The following SYT7 variants were observed in gnomAD, a reference collection of about 807,000 sequenced individuals.
The protein encoded by SYT7 is synaptotagmin-7.
In SYT7, 29 loss-of-function variants were observed where a neutral mutation model predicts 75.1. That is an observed-to-expected ratio of 0.39 (90% CI 0.29 to 0.53). The LOEUF is 0.53. SYT7 is among the 20% of genes least tolerant of loss of function. The pLI is 0.77. For missense variants in SYT7, 693 were observed against 953.2 expected (o/e 0.73, Z 3.59); for synonymous variants, 376 against 401.7 (o/e 0.94, Z 0.76).
At position 61,542,334 on chromosome 11, in the gene SYT7, C is replaced by T. The variant is rs985496755; in HGVS notation, c.818G>A (p.Arg273Gln). Residue 273 changes from arginine to glutamine, a missense_variant, in exon 6 of 13, where the codon CGG (arginine) becomes CAG (glutamine). Arg to Gln is a conservative substitution (Grantham distance 43, BLOSUM62 1). This residue lies in a region of SYT7 where 487 missense variants were observed against 593.2 expected (regional missense o/e 0.82). Transcript: ENST00000539008. This position sits in a 1 kb window ranked among gnomAD's most constrained non-coding sequence, Gnocchi z 7.8. ...NPRAYGRGQARQGTSAGSKYR... is the reference protein window; with the variant it reads ...NPRAYGRGQAQQGTSAGSKYR... ...CTTGGAGCCGGCCGAGGTGCCCTGC[C>T]GAGCCTGGCCCCGGCCATAGGCCCG... 5.1e-5 allele frequency: 78 copies of T among 1,531,074 alleles called. No individual in the cohort carries two copies. Among genetic ancestry groups the T allele is most frequent in the Admixed American group, 9.9e-5 (5 of 50,636 alleles). The allele number at this position is 1,531,074 out of a possible 1,614,324, so 94.8% of individuals were successfully genotyped here. A position where few individuals can be genotyped will look rare whatever the true frequency, so the allele number is the denominator to read the frequency against.
chr11:61,565,064 C>T (rs2063732452), intron 1 of SYT7, among the ~76,000 whole-genome samples: 1 of 152,178 alleles, frequency 6.6e-6, no homozygotes, highest in Non-Finnish European at 1.5e-5. Flanking sequence ...GTTGGGGCTA[C>T]ATCTGCCAGC....
At position 61,518,583 on chromosome 11, in the gene SYT7, T is replaced by C; in HGVS notation, c.*44A>G. ...TGTGCATAAAGTGGTGAGGGCATGA[T>C]GGGGACCTGGGCCCTCGGCCCCCTG... On this transcript the variant is annotated 3_prime_UTR_variant, in exon 13 of 13. Coordinates refer to ENST00000539008, the MANE Select transcript of SYT7 (RefSeq NM_001365809.2). The C allele has an allele frequency of 7.1e-7, 1 of 1,411,344 alleles. No individual in the cohort carries two copies. The highest frequency in any genetic ancestry group is 9.6e-7 in the Non-Finnish European group (1 of 1,039,300). 87.4% of individuals were successfully genotyped at this position (1,411,344 alleles called of 1,614,324 possible).
At position 61,576,309 on chromosome 11, in the gene SYT7, T is replaced by C. The variant is rs2064076159; in HGVS notation, c.31+4481A>G. Reference sequence around the variant, plus strand: ...ATTCACCTGGCATCACCAGCTGGGGTTCCCTGGCAAGGCAGGCAGGCACCC... The same window carrying C: ...ATTCACCTGGCATCACCAGCTGGGGCTCCCTGGCAAGGCAGGCAGGCACCC... On this transcript the variant is annotated intron_variant, in intron 1 of 12. Coordinates refer to ENST00000539008, the MANE Select transcript of SYT7 (RefSeq NM_001365809.2). This position sits in a 1 kb window ranked among gnomAD's most constrained non-coding sequence, Gnocchi z 4.1. Among the ~76,000 whole-genome samples, 1 of 152,094 alleles carries C rather than the reference T, an allele frequency of 6.6e-6. No homozygotes were observed. The highest frequency in any genetic ancestry group is 1.5e-5 in the Non-Finnish European group (1 of 68,010).
intron 12 of SYT7, 87 bp downstream of exon 12, chr11:61,522,988 G>T: frequency 7.4e-7 from 1 of 1,358,782 alleles, no homozygotes; most frequent in Non-Finnish European, 1.0e-6. Flanking sequence ...TCCAGCCTGT[G>T]CCCGTCCACT....
intron 5 of SYT7, among the ~76,000 whole-genome samples, chr11:61,544,519 C>G (rs975521965): frequency 6.6e-6 from 1 of 152,200 alleles, no homozygotes; most frequent in Non-Finnish European, 1.5e-5. Context: ...CGGCCCAGGC[C>G]TGGCCGGCCA....
Position 61,546,343 on chromosome 11 carries a change from G to A in SYT7, c.348-88C>T. The A allele has an allele frequency of 5.9e-6, 5 of 848,560 alleles. No individual in the cohort carries two copies. Among genetic ancestry groups the A allele is most frequent in the African/African-American group, 1.8e-5 (1 of 55,618 alleles). The allele number at this position is 848,560 out of a possible 1,614,324, so 52.6% of individuals were successfully genotyped here. A position where few individuals can be genotyped will look rare whatever the true frequency, so the allele number is the denominator to read the frequency against. ...GGCAGGCCATACGTGGGGGTCGGGG[G>A]GTGGAAGAGGAAGAAAAACAATAAC... On this transcript the variant is annotated intron_variant, in intron 4 of 12. Transcript: ENST00000539008. The surrounding 1 kb of genome is among the most constrained non-coding windows in gnomAD (Gnocchi z 7.6).
chr11:61,562,882 T>C (rs1418141019), intron 1 of SYT7, among the ~76,000 whole-genome samples: 1 of 152,090 alleles, frequency 6.6e-6, no homozygotes, highest in Non-Finnish European at 1.5e-5. Context: ...GATTTATGGA[T>C]GAACAGAATC....
At chr11:61,537,511 G>A (rs1025515781) in intron 7 of SYT7, among the ~76,000 whole-genome samples, 5 of 152,328 alleles carry the variant, frequency 3.3e-5, no homozygotes, top group African/African-American at 1.2e-4. Flanking sequence ...GCCCAACAAA[G>A]CCAGGCCTCA....
intron 12 of SYT7, among the ~76,000 whole-genome samples, chr11:61,519,525 A>T (rs3019202): frequency 0.18 from 28,100 of 152,196 alleles, 6,003 homozygotes; most frequent in African/African-American, 0.52. Context: ...GAAACTGTCA[A>T]GGGCCAGAGG....
intron 9 of SYT7, among the ~76,000 whole-genome samples, chr11:61,527,097 C>G (rs2135096179): frequency 6.6e-6 from 1 of 152,288 alleles, no homozygotes; most frequent in South Asian, 2.1e-4. Flanking sequence ...TACCTTGAAT[C>G]CTCAGAGATA....
rs962122361 is a variant in SYT7 at position 61,546,018 on chromosome 11, C to T, written c.572+13G>A. 11 of 1,531,128 alleles carry T rather than the reference C, an allele frequency of 7.2e-6. No individual in the cohort carries two copies. The Admixed American group carries it at 1.4e-4, about 19-fold the overall frequency. 94.8% of individuals were successfully genotyped at this position (1,531,128 alleles called of 1,614,324 possible). A position where few individuals can be genotyped will look rare whatever the true frequency, so the allele number is the denominator to read the frequency against. ...GCTCATGGCTCCGGCAGCCATGGGGCGCCATCACTCACTTGGACAAGTTGA... is the reference window on the plus strand; with the variant it reads ...GCTCATGGCTCCGGCAGCCATGGGGTGCCATCACTCACTTGGACAAGTTGA... On this transcript the variant is annotated intron_variant, in intron 5 of 12. Coordinates refer to ENST00000539008, the MANE Select transcript of SYT7 (RefSeq NM_001365809.2). This position sits in a 1 kb window ranked among gnomAD's most constrained non-coding sequence, Gnocchi z 7.6.
At chr11:61,535,388 C>T (rs768944575) in intron 7 of SYT7, among the ~76,000 whole-genome samples, 5 of 152,226 alleles carry the variant, frequency 3.3e-5, no homozygotes, top group Non-Finnish European at 5.9e-5. Context: ...TTGCCCTGTC[C>T]CCCACTTGGG....
At chr11:61,563,679 G>A (rs2135390803) in intron 1 of SYT7, among the ~76,000 whole-genome samples, 1 of 152,202 alleles carries the variant, frequency 6.6e-6, no homozygotes, top group South Asian at 2.1e-4. Context: ...TCACACCTAT[G>A]ATGCTTTGCC....
the SYT7 span, among the ~76,000 whole-genome samples, chr11:61,586,659 G>A: frequency 6.6e-6 from 1 of 152,164 alleles, no homozygotes; most frequent in Non-Finnish European, 1.5e-5. Flanking sequence ...GTTTGGGGTG[G>A]GGGTCCTTCG....
intron 2 of SYT7, among the ~76,000 whole-genome samples, chr11:61,555,772 C>CGT (rs111623304): frequency 0.06 from 9,078 of 151,084 alleles, 543 homozygotes; most frequent in African/African-American, 0.15. Flanking sequence ...GGAGGCAGGG[C>CGT]GTGTGTGTGT....
rs544484863 is a variant in SYT7 at position 61,569,647 on chromosome 11, C to T, written c.31+11143G>A. ...GGAAGTGAGAAGGTGCCCCAGAAAA[C>T]GGTCAAGATTACAGAAGGGGCAGAG... On this transcript the variant is annotated intron_variant, in intron 1 of 12. Transcript: ENST00000539008. Among the ~76,000 whole-genome samples the T allele has an allele frequency of 5.3e-5, 8 of 151,696 alleles. No individual in the cohort carries two copies. In the East Asian group the frequency reaches 5.8e-4, roughly 11 times the overall value.
chr11:61,552,936 C>A (rs1402640354), intron 2 of SYT7, among the ~76,000 whole-genome samples: 1 of 152,186 alleles, frequency 6.6e-6, no homozygotes, highest in Admixed American at 6.5e-5. Flanking sequence ...CTCCTATCTC[C>A]CGGCACGTGC....
chr11:61,575,661 G>A (rs1473669615), intron 1 of SYT7, among the ~76,000 whole-genome samples: 1 of 152,202 alleles, frequency 6.6e-6, no homozygotes. Context: ...CAGGGTCCCT[G>A]GCACACAGGC....
In SYT7 at chr11:61,542,738, C is replaced by T. The variant is rs949973899; in HGVS notation, c.573-159G>A. Among the ~76,000 whole-genome samples the T allele has an allele frequency of 7.2e-5, 11 of 152,298 alleles. No individual in the cohort carries two copies. Among genetic ancestry groups the T allele is most frequent in the South Asian group, 6.2e-4 (3 of 4,830 alleles). ...TCGGAGCTGTCGCCACCGCCGTCGC[C>T]GCCACTGCCTCGCCCAGGAGGCTGC... On this transcript the variant is annotated intron_variant, in intron 5 of 12. Transcript: ENST00000539008. The surrounding 1 kb of genome is among the most constrained non-coding windows in gnomAD (Gnocchi z 7.8).
Sources: gnomAD v4.1 joint callset for allele counts (sites outside exome capture counted in the v4.1 genomes callset) on GRCh38, gnomAD v4.1.1 for gene constraint, gnomAD v4.1.1 regional missense constraint, Gnocchi (gnomAD v3.1) non-coding constraint, MANE v1.5 for transcripts, NCBI Gene and HGNC (gene_info 2026-07-23, HGNC 2026-07-21) for gene names.